Variants in SATB2 observed in about 807,000 individuals in gnomAD.
SATB2 encodes the protein SATB homeobox 2.
A neutral mutation model predicts 73.4 loss-of-function variants in SATB2; 1 was observed. That is an observed-to-expected ratio of 0.01 (90% confidence interval 0.00 to 0.06). SATB2 has a LOEUF of 0.06. Among genes scored for constraint, SATB2 ranks in the 10% least tolerant of loss-of-function variants. SATB2 has a pLI of 1.00. For synonymous variants in SATB2, 397 were observed against 367.0 expected (o/e 1.08, Z -0.93); for missense variants, 459 against 945.8 (o/e 0.49, Z 6.75).
At chr2:199,340,233 G>A (rs866669800) in intron 7 of SATB2, among the ~76,000 whole-genome samples, 1 of 152,090 alleles carries the variant, frequency 6.6e-6, no homozygotes, top group Non-Finnish European at 1.5e-5. Flanking sequence ...TGAGTAAACT[G>A]CAGACTTTTT....
In SATB2 at chr2:199,463,383, C is replaced by G. The variant is rs1464014988; in HGVS notation, c.-141+1453G>C. On this transcript the variant is annotated intron_variant, in intron 1 of 11. Coordinates refer to the SATB2 transcript ENST00000260926. This position sits in a 1 kb window ranked among gnomAD's most constrained non-coding sequence, Gnocchi z 6.4. ...AGCTCGGAGCTGCCGGGGTTGGGGC[C>G]CCGGGTGGCGCTCCCGACCCGCCGC... 1.3e-5 allele frequency among the ~76,000 whole-genome samples: 2 copies of G among 152,206 alleles called. No individual in the cohort carries two copies. The highest frequency in any genetic ancestry group is 2.9e-5 in the Non-Finnish European group (2 of 68,028).
intron 7 of SATB2, chr2:199,346,858 C>CTTTTTTTTTTTTTTTTTTTTTTTT (rs540374842): frequency 1.1e-5 from 1 of 88,440 alleles, no homozygotes; most frequent in Non-Finnish European, 2.2e-5. Flanking sequence ...TTTCACTTAA[C>CTTTTTTTTTTTTTTTTTTTTTTTT]TTTTTTTTTT....
chr2:199,376,879 T>C (rs747228717), intron 5 of SATB2, among the ~76,000 whole-genome samples: 1 of 152,246 alleles, frequency 6.6e-6, no homozygotes, highest in Non-Finnish European at 1.5e-5. Flanking sequence ...TAGAAAAGAA[T>C]AGTGCATTCT....
chr2:199,293,247 T>A (rs191077469), intron 10 of SATB2, among the ~76,000 whole-genome samples: 19 of 152,244 alleles, frequency 1.2e-4, no homozygotes, highest in African/African-American at 4.3e-4. Flanking sequence ...TGTGAGTTTT[T>A]CTCCTGTTTT....
intron 10 of SATB2, among the ~76,000 whole-genome samples, chr2:199,297,634 G>C (rs1241126576): frequency 6.6e-6 from 1 of 152,142 alleles, no homozygotes; most frequent in Non-Finnish European, 1.5e-5. Context: ...GGCCAGCACA[G>C]ATCTGCTAAT....
At chr2:199,351,148 C>A (rs1688806370) in intron 6 of SATB2, among the ~76,000 whole-genome samples, 1 of 148,128 alleles carries the variant, frequency 6.8e-6, no homozygotes, top group Admixed American at 6.7e-5. Context: ...TTAATCCTTA[C>A]AATGTTTGCT....
At chr2:199,395,548 G>T (rs573935022) in intron 3 of SATB2, among the ~76,000 whole-genome samples, 1 of 152,062 alleles carries the variant, frequency 6.6e-6, no homozygotes, top group Admixed American at 6.6e-5. Context: ...AAGCTAGCCT[G>T]GTGTCTGACA....
At chr2:199,447,412 T>C (rs960376497) in intron 2 of SATB2, among the ~76,000 whole-genome samples, 4 of 152,158 alleles carry the variant, frequency 2.6e-5, no homozygotes, top group Non-Finnish European at 4.4e-5. Flanking sequence ...TGAGAAGAAA[T>C]GAGGGTGCTC....
chr2:199,353,402 G>A (rs994562316), intron 6 of SATB2, among the ~76,000 whole-genome samples: 3 of 151,814 alleles, frequency 2.0e-5, no homozygotes, highest in African/African-American at 4.8e-5. Context: ...TGATCCACCC[G>A]CCTCGGCCTC....
chr2:199,470,147 G>T (rs1247007682), intron 1 of SATB2: 4 of 152,358 alleles, frequency 2.6e-5, no homozygotes, highest in African/African-American at 9.7e-5. Context: ...CAGCCCAGTC[G>T]GGCAAGAAAG....
At position 199,271,408 on chromosome 2, in the gene SATB2, A is replaced by G. The variant is rs973974701; in HGVS notation, c.*803T>C. On this transcript the variant is annotated 3_prime_UTR_variant, in exon 11 of 11. Transcript: ENST00000417098. ...TTTTATTGAGTCATTTTAAGTGTGC[A>G]TTGTGTCTTTAAGATTTATTTGACT... 2 of 151,420 alleles carry G rather than the reference A, an allele frequency of 1.3e-5. No individual in the cohort carries two copies. The highest frequency in any genetic ancestry group is 1.9e-4 in the East Asian group (1 of 5,288). 9.4% of individuals were successfully genotyped at this position (151,420 alleles called of 1,614,324 possible).
chr2:199,334,790 C>T (rs772067332), intron 7 of SATB2, among the ~76,000 whole-genome samples: 2 of 152,040 alleles, frequency 1.3e-5, no homozygotes, highest in East Asian at 1.9e-4. Flanking sequence ...TTAGCCAAAG[C>T]GGTTAAATCA....
rs189634665 is a variant in SATB2, at chr2:199,405,956, C to A, written c.347-24136G>T. ...GGTTCTAGACTCACAGATTCAACAA[C>A]CCTGGATTAAAAATTTTAAGTAAAT... On this transcript the variant is annotated intron_variant, in intron 3 of 10. Transcript: ENST00000417098. Among the ~76,000 whole-genome samples, 382 of 152,052 alleles carry A rather than the reference C, an allele frequency of 2.5e-3. 6 individuals are homozygous for A. Among genetic ancestry groups the A allele is most frequent in the Admixed American group, 0.023 (357 of 15,260 alleles).
chr2:199,293,527 TAAAC>T (rs939704138), intron 10 of SATB2, among the ~76,000 whole-genome samples: 8 of 152,090 alleles, frequency 5.3e-5, no homozygotes, highest in Non-Finnish European at 1.0e-4. Context: ...ATTTTTTAAA[TAAAC>T]AAAGAAAATA....
chr2:199,305,348 G>A (rs1559152149), intron 10 of SATB2, among the ~76,000 whole-genome samples: 1 of 152,016 alleles, frequency 6.6e-6, no homozygotes, highest in South Asian at 2.1e-4. Context: ...GGCCGATAGG[G>A]GGGTAAAAGG....
chr2:199,448,494 TAAAG>T (rs1451220880), intron 2 of SATB2, among the ~76,000 whole-genome samples: 1 of 152,198 alleles, frequency 6.6e-6, no homozygotes, highest in African/African-American at 2.4e-5. Context: ...AAGTATTTTT[TAAAG>T]AAAGAAAAAG....
chr2:199,305,415 G>T (rs1011738202), intron 10 of SATB2, among the ~76,000 whole-genome samples: 1 of 152,064 alleles, frequency 6.6e-6, no homozygotes, highest in Non-Finnish European at 1.5e-5. Context: ...TTAATGCCTG[G>T]GTGATGAAAT....
chr2:199,464,072 C>A lies in SATB2; in HGVS notation c.-141+764G>T, dbSNP rs999304743. Among the ~76,000 whole-genome samples, 1 of 152,280 alleles carries A rather than the reference C, an allele frequency of 6.6e-6. No individual in the cohort carries two copies. Among genetic ancestry groups the A allele is most frequent in the African/African-American group, 2.4e-5 (1 of 41,562 alleles). ...GGCAGTGTATCCGGCGGCCCAAACT[C>A]GTAAGGAGTGGGGGCCAACTTAGAG... On this transcript the variant is annotated intron_variant, in intron 1 of 11. Transcript: ENST00000260926. This position sits in a 1 kb window ranked among gnomAD's most constrained non-coding sequence, Gnocchi z 6.6.
chr2:199,421,673 G>A (rs1691174397), intron 3 of SATB2, among the ~76,000 whole-genome samples: 1 of 152,166 alleles, frequency 6.6e-6, no homozygotes, highest in African/African-American at 2.4e-5. Context: ...TGAACAAAAT[G>A]TGGGTAAGAA....
Sources: gnomAD v4.1 joint callset for allele counts (sites outside exome capture counted in the v4.1 genomes callset) on GRCh38, gnomAD v4.1.1 for gene constraint, Gnocchi (gnomAD v3.1) non-coding constraint, MANE v1.5 for transcripts, NCBI Gene and HGNC (gene_info 2026-07-23, HGNC 2026-07-21) for gene names.